The following PCDH9 variants were observed in gnomAD, a reference collection of about 807,000 sequenced individuals.
PCDH9 encodes protocadherin 9.
In PCDH9, 24 loss-of-function variants were observed where a neutral mutation model predicts 70.6. The ratio of observed to expected loss-of-function variants is 0.34; its 90% CI spans 0.25 to 0.48. The LOEUF is 0.48. PCDH9 is among the 20% of genes least tolerant of loss of function. PCDH9 has a pLI of 0.99. For synonymous variants in PCDH9, 562 were observed against 558.5 expected, an observed-to-expected ratio of 1.01 and a Z score of -0.09; for missense variants, 1,281 against 1,503.6, an observed-to-expected ratio of 0.85 and a Z score of 2.45.
At chr13:66,727,070 C>A (rs1019357349) in intron 3 of PCDH9, among the ~76,000 whole-genome samples, 6 of 152,088 alleles carry the variant, frequency 3.9e-5, no homozygotes, top group African/African-American at 1.4e-4. Context: ...TCTTGGGCAA[C>A]AACCTGGACA....
At chr13:67,077,865 T>G (rs936986569) in intron 2 of PCDH9, among the ~76,000 whole-genome samples, 1 of 152,150 alleles carries the variant, frequency 6.6e-6, no homozygotes, top group African/African-American at 2.4e-5. Flanking sequence ...AAAAAAAAAT[T>G]CACATGTATA....
intron 4 of PCDH9, among the ~76,000 whole-genome samples, chr13:66,415,971 T>C (rs1957453030): frequency 6.6e-6 from 1 of 152,204 alleles, no homozygotes; most frequent in East Asian, 1.9e-4. Flanking sequence ...TCCTGATTAT[T>C]GTCACAAATT....
At chr13:66,752,607 C>T (rs910182206) in intron 3 of PCDH9, among the ~76,000 whole-genome samples, 4 of 152,158 alleles carry the variant, frequency 2.6e-5, no homozygotes, top group African/African-American at 7.2e-5. Context: ...ACATCTACAG[C>T]ATTTTTAATG....
intron 4 of PCDH9, among the ~76,000 whole-genome samples, chr13:66,342,371 C>G (rs139257291): frequency 3.9e-5 from 6 of 152,294 alleles, no homozygotes; most frequent in African/African-American, 1.2e-4. Flanking sequence ...CGTTTTACAA[C>G]TATAAAGATG....
intron 4 of PCDH9, among the ~76,000 whole-genome samples, chr13:66,423,792 A>C (rs1166677616): frequency 6.6e-6 from 1 of 152,044 alleles, no homozygotes; most frequent in African/African-American, 2.4e-5. Context: ...CTCTCTCACC[A>C]CTCCTATTCA....
At chr13:67,068,413 T>G (rs1453460753) in intron 2 of PCDH9, among the ~76,000 whole-genome samples, 1 of 152,132 alleles carries the variant, frequency 6.6e-6, no homozygotes, top group Non-Finnish European at 1.5e-5. Context: ...GCCTGAAATG[T>G]GGTCTCTATC....
intron 2 of PCDH9, chr13:67,218,914 C>T (rs1247822883): frequency 6.6e-6 from 1 of 151,940 alleles, no homozygotes; most frequent in Non-Finnish European, 1.5e-5. Context: ...TTATGGCACT[C>T]TAATCAATCA....
intron 3 of PCDH9, among the ~76,000 whole-genome samples, chr13:66,662,671 T>C (rs950523326): frequency 4.6e-5 from 7 of 152,262 alleles, no homozygotes; most frequent in Middle Eastern, 3.4e-3. Context: ...AAACAATGGA[T>C]GGGCGAATGA....
chr13:67,033,271 A>G (rs546453798), intron 2 of PCDH9, among the ~76,000 whole-genome samples: 7 of 152,276 alleles, frequency 4.6e-5, no homozygotes, highest in African/African-American at 1.7e-4. Context: ...CACTGCAGAG[A>G]AAGTCAATGT....
chr13:67,042,299 A>G (rs1295701909), intron 2 of PCDH9, among the ~76,000 whole-genome samples: 1 of 152,192 alleles, frequency 6.6e-6, no homozygotes, highest in Non-Finnish European at 1.5e-5. Flanking sequence ...GACTACTCAC[A>G]GTGCAACATG....
chr13:67,148,069 A>G (rs1167135823), intron 2 of PCDH9, among the ~76,000 whole-genome samples: 3 of 152,176 alleles, frequency 2.0e-5, no homozygotes, highest in Admixed American at 2.0e-4. Flanking sequence ...AGTGGTCCCC[A>G]GTGAAAAGTT....
At chr13:67,130,228 AGG>A (rs1431501533) in intron 2 of PCDH9, among the ~76,000 whole-genome samples, 1 of 152,196 alleles carries the variant, frequency 6.6e-6, no homozygotes, top group African/African-American at 2.4e-5. Context: ...TCTTCAGTAA[AGG>A]GATTATTTCA....
At chr13:67,118,270 G>A (rs2086815304) in intron 2 of PCDH9, among the ~76,000 whole-genome samples, 2 of 152,088 alleles carry the variant, frequency 1.3e-5, no homozygotes, top group Non-Finnish European at 2.9e-5. Flanking sequence ...GCAGGAGTGG[G>A]ATTCAACTAG....
intron 3 of PCDH9, among the ~76,000 whole-genome samples, chr13:66,726,819 CAGTT>C (rs1220376545): frequency 2.6e-5 from 4 of 152,180 alleles, no homozygotes; most frequent in East Asian, 1.9e-4. Context: ...TCAACTTTCT[CAGTT>C]AGCCATTCTG....
At chr13:67,136,450 C>T (rs991595652) in intron 2 of PCDH9, among the ~76,000 whole-genome samples, 2 of 152,158 alleles carry the variant, frequency 1.3e-5, no homozygotes, top group East Asian at 3.9e-4. Context: ...TCATGTGTGC[C>T]TGTGTTCCAC....
chr13:66,836,265 C>A (rs2081015690), intron 3 of PCDH9, among the ~76,000 whole-genome samples: 1 of 152,144 alleles, frequency 6.6e-6, no homozygotes, highest in South Asian at 2.1e-4. Context: ...CATGAGACCT[C>A]TCCCCAGTAG....
At position 67,056,237 on chromosome 13, in the gene PCDH9, C is replaced by A. The variant is rs905267021; in HGVS notation, c.3037-152632G>T. On this transcript the variant is annotated intron_variant, in intron 2 of 4. Transcript: ENST00000377865. Reference sequence around the variant, plus strand: ...TATTTGTGTAGAAGAATGTTTGGCACTTAAAAAACAGCACTGAAGGCCTAA... The same window carrying A: ...TATTTGTGTAGAAGAATGTTTGGCAATTAAAAAACAGCACTGAAGGCCTAA... Among the ~76,000 whole-genome samples the A allele has an allele frequency of 3.9e-5, 6 of 152,134 alleles. No homozygotes were observed. In the South Asian group the frequency reaches 1.2e-3, roughly 31 times the overall value.
At chr13:66,443,783 A>G (rs1958019463) in intron 4 of PCDH9, among the ~76,000 whole-genome samples, 1 of 152,166 alleles carries the variant, frequency 6.6e-6, no homozygotes, top group Non-Finnish European at 1.5e-5. Context: ...ATCCTTAAAG[A>G]ATGCTATGCT....
intron 3 of PCDH9, among the ~76,000 whole-genome samples, chr13:66,840,847 A>G (rs1318741026): frequency 6.6e-6 from 1 of 152,252 alleles, no homozygotes; most frequent in Non-Finnish European, 1.5e-5. Flanking sequence ...AAATCCCCGA[A>G]GGGAGGTGCA....
Sources: gnomAD v4.1 joint callset for allele counts (sites outside exome capture counted in the v4.1 genomes callset) on GRCh38, gnomAD v4.1.1 for gene constraint, MANE v1.5 for transcripts, NCBI Gene and HGNC (gene_info 2026-07-23, HGNC 2026-07-21) for gene names.